The following CNNM2 variants were observed in gnomAD, a reference collection of about 807,000 sequenced individuals.
CNNM2 encodes cyclin and CBS domain divalent metal cation transport mediator 2, also known as metal transporter CNNM2.
In CNNM2, 12 loss-of-function variants were observed where a neutral mutation model predicts 66.9. The ratio of observed to expected loss-of-function variants is 0.18; its 90% CI spans 0.11 to 0.29. The LOEUF is 0.29. Among genes scored for constraint, CNNM2 ranks in the 10% least tolerant of loss-of-function variants. CNNM2 has a pLI of 1.00. For synonymous variants in CNNM2, 557 were observed against 501.8 expected, an observed-to-expected ratio of 1.11 and a Z score of -1.47; for missense variants, 705 against 1,167.7, an observed-to-expected ratio of 0.60 and a Z score of 5.77.
chr10:102,983,093 T>C (rs1463363203), intron 1 of CNNM2, among the ~76,000 whole-genome samples: 5 of 152,022 alleles, frequency 3.3e-5, no homozygotes, highest in African/African-American at 1.2e-4. Context: ...AACTTTGATA[T>C]TGATTTTAAT....
chr10:103,064,921 T>C, intron 4 of CNNM2, among the ~76,000 whole-genome samples: 1 of 152,198 alleles, frequency 6.6e-6, no homozygotes, highest in Non-Finnish European at 1.5e-5. Flanking sequence ...TATCTTTCCC[T>C]GTATCTGTCT....
At chr10:102,960,707 C>T (rs2063364835) in intron 1 of CNNM2, among the ~76,000 whole-genome samples, 1 of 151,438 alleles carries the variant, frequency 6.6e-6, no homozygotes, top group Non-Finnish European at 1.5e-5. Context: ...GTGGCCTTGA[C>T]CTCCCAGGCT....
At chr10:103,019,268 C>CA (rs545630160) in intron 1 of CNNM2, among the ~76,000 whole-genome samples, 1,296 of 63,276 alleles carry the variant, frequency 0.02, 12 homozygotes, top group South Asian at 0.097. Context: ...GACCCTGTCT[C>CA]AAAAAAAAAA....
At chr10:102,949,826 A>G (rs1164237618) in intron 1 of CNNM2, among the ~76,000 whole-genome samples, 2 of 151,998 alleles carry the variant, frequency 1.3e-5, no homozygotes, top group Admixed American at 6.6e-5. Context: ...AATAACAACA[A>G]CAACAAATAA....
At chr10:103,066,147 G>A (rs963020590) in intron 4 of CNNM2, among the ~76,000 whole-genome samples, 3 of 152,134 alleles carry the variant, frequency 2.0e-5, no homozygotes, top group African/African-American at 7.2e-5. Flanking sequence ...CCTGACCCCT[G>A]CTCTTCTGCC....
intron 1 of CNNM2, among the ~76,000 whole-genome samples, chr10:103,048,214 ATTT>A (rs61111356): frequency 1.9e-5 from 2 of 106,566 alleles, no homozygotes; most frequent in Non-Finnish European, 1.9e-5. Flanking sequence ...TGCGCTCAGC[ATTT>A]TTTTTTTTTT....
At position 103,014,665 on chromosome 10, in the gene CNNM2, C is replaced by T. The variant is rs1000772506; in HGVS notation, c.1622-35042C>T. Among the ~76,000 whole-genome samples the T allele has an allele frequency of 2.0e-5, 3 of 151,990 alleles. No homozygotes were observed. The East Asian group carries it at 5.8e-4, about 29-fold the overall frequency. On this transcript the variant is annotated intron_variant, in intron 1 of 7. Transcript: ENST00000369878. Reference sequence around the variant, plus strand: ...TAGTTGGGTGTTAATATTAAAAATGCCTATTTGCTTGTTTTTTGACTGATG... The same window carrying T: ...TAGTTGGGTGTTAATATTAAAAATGTCTATTTGCTTGTTTTTTGACTGATG...
intron 7 of CNNM2, 31 bp downstream of exon 7, chr10:103,076,301 C>T (rs1310668296): frequency 1.3e-6 from 2 of 1,547,672 alleles, no homozygotes; most frequent in African/African-American, 1.4e-5. Flanking sequence ...GTGGCTGGAC[C>T]TGGCAGTTAG....
intron 1 of CNNM2, among the ~76,000 whole-genome samples, chr10:102,982,905 CATTA>C (rs1163527133): frequency 6.6e-6 from 1 of 152,180 alleles, no homozygotes. Flanking sequence ...GGAAAATTAA[CATTA>C]ATTAAACTAA....
chr10:102,960,553 A>G (rs2063363156), intron 1 of CNNM2, among the ~76,000 whole-genome samples: 1 of 152,114 alleles, frequency 6.6e-6, no homozygotes, highest in Non-Finnish European at 1.5e-5. Context: ...TATTTTTAAC[A>G]TAATTGAGAT....
chr10:102,953,380 C>T (rs1177841933), intron 1 of CNNM2, among the ~76,000 whole-genome samples: 1 of 152,002 alleles, frequency 6.6e-6, no homozygotes, highest in Non-Finnish European at 1.5e-5. Context: ...CCTCAGCCTC[C>T]TGAGTAGCTG....
chr10:102,924,909 AT>A (rs1845797738), intron 1 of CNNM2, among the ~76,000 whole-genome samples: 1 of 152,232 alleles, frequency 6.6e-6, no homozygotes, highest in African/African-American at 2.4e-5. Flanking sequence ...TTAGAACACT[AT>A]TATGAAATAT....
At chr10:103,075,947 G>T (rs1225467718) in intron 6 of CNNM2, 139 bp from the exon 7 acceptor site, 12 of 759,264 alleles carry the variant, frequency 1.6e-5, no homozygotes, top group Non-Finnish European at 2.5e-5. Flanking sequence ...ATACCCTCTG[G>T]CATACTGTGC....
chr10:103,019,694 A>AT (rs2064532720), intron 1 of CNNM2, among the ~76,000 whole-genome samples: 1 of 152,208 alleles, frequency 6.6e-6, no homozygotes. Flanking sequence ...AGGAGCAACT[A>AT]TTAAACATAT....
chr10:103,065,805 A>G (rs1401372947), intron 4 of CNNM2, among the ~76,000 whole-genome samples: 2 of 152,238 alleles, frequency 1.3e-5, no homozygotes, highest in Admixed American at 1.3e-4. Flanking sequence ...CAGTTCAGGA[A>G]GAGATGGACA....
intron 1 of CNNM2, among the ~76,000 whole-genome samples, chr10:102,985,718 G>A (rs1191316874): frequency 6.6e-6 from 1 of 152,188 alleles, no homozygotes; most frequent in African/African-American, 2.4e-5. Flanking sequence ...TTGTTTACAT[G>A]ACCAGCTCAG....
chr10:103,025,369 G>A (rs1204792745), intron 1 of CNNM2, among the ~76,000 whole-genome samples: 1 of 152,168 alleles, frequency 6.6e-6, no homozygotes, highest in Non-Finnish European at 1.5e-5. Flanking sequence ...GATTACAGGC[G>A]TGAGCCACCA....
At chr10:102,967,960 A>G (rs189107481) in intron 1 of CNNM2, among the ~76,000 whole-genome samples, 1 of 152,276 alleles carries the variant, frequency 6.6e-6, no homozygotes, top group East Asian at 1.9e-4. Flanking sequence ...ATGAGCTGAG[A>G]TTGTGTCACT....
rs2065725617 is a variant in CNNM2 at position 103,078,566 on chromosome 10, A to G, written c.*1386A>G. ...ATGTAGTGAAATTATGTCAGGAGGT[A>G]TATGAGTGACTGAATTCTTAACTAT... On this transcript the variant is annotated 3_prime_UTR_variant, in exon 8 of 8. Transcript: ENST00000369878. The G allele has an allele frequency of 6.6e-6, 1 of 152,268 alleles. No individual in the cohort carries two copies. The highest frequency in any genetic ancestry group is 2.1e-4 in the South Asian group (1 of 4,836). The allele number at this position is 152,268 out of a possible 1,614,324, so 9.4% of individuals were successfully genotyped here.
Sources: allele counts gnomAD v4.1 joint callset (sites outside exome capture counted in the v4.1 genomes callset), GRCh38; gene constraint gnomAD v4.1.1; transcripts MANE v1.5; gene names NCBI Gene and HGNC (gene_info 2026-07-23, HGNC 2026-07-21).